Variants in EPB41L4B observed in about 807,000 individuals in gnomAD.
EPB41L4B encodes band 4.1-like protein 4B.
Under a neutral mutation model 112.5 loss-of-function variants are expected in EPB41L4B, and 30 were observed. The observed-to-expected ratio is 0.27, with a 90% CI of 0.20 to 0.36. The LOEUF (loss-of-function observed/expected upper bound fraction) is 0.36, where lower values mean the gene tolerates loss of function less well. Among genes scored for constraint, EPB41L4B ranks in the 10% least tolerant of loss-of-function variants. The pLI, the probability that EPB41L4B is intolerant of heterozygous loss-of-function variation, is 1.00. For synonymous variants in EPB41L4B, 408 were observed against 439.7 expected, an observed-to-expected ratio of 0.93 and a Z score of 0.90; for missense variants, 1,024 against 1,133.3, an observed-to-expected ratio of 0.90 and a Z score of 1.38.
intron 15 of EPB41L4B, among the ~76,000 whole-genome samples, chr9:109,222,190 A>G (rs1833599403): frequency 6.6e-6 from 1 of 152,224 alleles, no homozygotes; most frequent in Non-Finnish European, 1.5e-5. Flanking sequence ...TTCATCTTAT[A>G]GCTACTTTGG....
intron 19 of EPB41L4B, among the ~76,000 whole-genome samples, chr9:109,201,227 G>C (rs1297363962): frequency 6.6e-6 from 1 of 152,098 alleles, no homozygotes; most frequent in African/African-American, 2.4e-5. Flanking sequence ...GAGGTGGGCA[G>C]ATGACTTGAG....
Position 109,320,225 on chromosome 9 carries a change from G to A in EPB41L4B, c.222C>T (p.His74=), listed in dbSNP as rs1345242707. 12 of 1,329,446 alleles carry A rather than the reference G, an allele frequency of 9.0e-6. No individual in the cohort carries two copies. Among genetic ancestry groups the A allele is most frequent in the Non-Finnish European group, 1.2e-5 (12 of 1,036,274 alleles). The allele number at this position is 1,329,446 out of a possible 1,614,324, so 82.4% of individuals were successfully genotyped here. A position where few individuals can be genotyped will look rare whatever the true frequency, so the allele number is the denominator to read the frequency against. ...CCTTGGCGGCGCCGGCGGCGGAGAT[G>A]TGCACGGCCGCGCCGCCGGTGAGCA... ...GPLLTGGAAV[H]ISAAGAAKAT... The change falls in exon 1 of 26, where the codon CAC becomes CAT. Residue 74 remains histidine (H), a synonymous_variant. Transcript: ENST00000374566.
At chr9:109,219,634 G>A (rs979540863) in intron 15 of EPB41L4B, among the ~76,000 whole-genome samples, 2 of 152,146 alleles carry the variant, frequency 1.3e-5, no homozygotes, top group East Asian at 1.9e-4. Flanking sequence ...GATTACAGGC[G>A]TGAGCCACCG....
intron 1 of EPB41L4B, among the ~76,000 whole-genome samples, chr9:109,306,355 T>C (rs1837192066): frequency 6.6e-6 from 1 of 152,198 alleles, no homozygotes; most frequent in Non-Finnish European, 1.5e-5. Flanking sequence ...CTCACGCCTG[T>C]AACCCCAGCA....
In EPB41L4B at chr9:109,279,807, A is replaced by C. The variant is rs1362608205; in HGVS notation, c.411+10T>G. The C allele has an allele frequency of 6.2e-7, 1 of 1,611,348 alleles. No individual in the cohort carries two copies. The highest frequency in any genetic ancestry group is 8.5e-7 in the Non-Finnish European group (1 of 1,177,968). ...AATCTGTTCTGAAATGAATCAAAGC[A>C]ATAACCTACCGCAACCTGGGCAGAG... On this transcript the variant is annotated intron_variant, in intron 2 of 25. Transcript: ENST00000374566.
At chr9:109,191,577 CT>C (rs1156671479) in intron 22 of EPB41L4B, among the ~76,000 whole-genome samples, 4 of 152,228 alleles carry the variant, frequency 2.6e-5, no homozygotes, top group Admixed American at 2.0e-4. Context: ...CCAGATGCTG[CT>C]TCCTTTCTCA....
chr9:109,293,905 G>T (rs778408249), intron 1 of EPB41L4B, among the ~76,000 whole-genome samples: 14 of 152,108 alleles, frequency 9.2e-5, no homozygotes, highest in Non-Finnish European at 1.6e-4. Context: ...ATATCTACTA[G>T]ATGCAATGTG....
chr9:109,277,037 C>A lies in EPB41L4B; in HGVS notation c.411+2780G>T, dbSNP rs1408314590. 3.3e-5 allele frequency among the ~76,000 whole-genome samples: 5 copies of A among 152,220 alleles called. No homozygotes were observed. The East Asian group carries it at 9.7e-4, about 29-fold the overall frequency. ...AGCAAGGCAGCCTATCTAAAGCCTA[C>A]CAAATGAGTCAGAGGCAGAGCCAGG... On this transcript the variant is annotated intron_variant, in intron 2 of 25. Coordinates refer to ENST00000374566, the MANE Select transcript of EPB41L4B (RefSeq NM_019114.5).
chr9:109,275,145 T>A (rs989387872), intron 2 of EPB41L4B, among the ~76,000 whole-genome samples: 2 of 152,210 alleles, frequency 1.3e-5, no homozygotes, highest in Non-Finnish European at 2.9e-5. Context: ...ATCAATACGC[T>A]TTGACAGTTG....
At chr9:109,285,849 G>A (rs150314915) in intron 1 of EPB41L4B, among the ~76,000 whole-genome samples, 31 of 152,234 alleles carry the variant, frequency 2.0e-4, no homozygotes, top group African/African-American at 6.7e-4. Flanking sequence ...CAAACATTCC[G>A]TCTTTCAGGA....
intron 22 of EPB41L4B, among the ~76,000 whole-genome samples, chr9:109,187,376 T>A (rs1246106455): frequency 1.3e-5 from 2 of 151,760 alleles, no homozygotes; most frequent in African/African-American, 4.8e-5. Context: ...GATGGCCTGT[T>A]TTACTATTCA....
chr9:109,213,376 G>C (rs568295287), intron 17 of EPB41L4B, among the ~76,000 whole-genome samples: 9 of 152,330 alleles, frequency 5.9e-5, no homozygotes, highest in Admixed American at 2.0e-4. Context: ...GTCAGAGGGA[G>C]ATAGAGGGCT....
At chr9:109,262,632 C>T (rs1327666852) in intron 6 of EPB41L4B, among the ~76,000 whole-genome samples, 1 of 152,190 alleles carries the variant, frequency 6.6e-6, no homozygotes, top group Non-Finnish European at 1.5e-5. Flanking sequence ...GGCCTGCTCC[C>T]TCTTAAGAGC....
intron 18 of EPB41L4B, among the ~76,000 whole-genome samples, chr9:109,204,892 G>A (rs1020306430): frequency 5.3e-5 from 8 of 152,024 alleles, no homozygotes; most frequent in Non-Finnish European, 5.9e-5. Flanking sequence ...ATGCCAATAG[G>A]GGATTAACAT....
At chr9:109,286,680 T>C (rs1275055519) in intron 1 of EPB41L4B, among the ~76,000 whole-genome samples, 2 of 152,162 alleles carry the variant, frequency 1.3e-5, no homozygotes, top group Non-Finnish European at 1.5e-5. Flanking sequence ...CTCACGTTAC[T>C]CCCTCACTAT....
intron 17 of EPB41L4B, among the ~76,000 whole-genome samples, chr9:109,209,299 T>C (rs1296803510): frequency 6.6e-6 from 1 of 151,934 alleles, no homozygotes. Context: ...TCCAATTTTA[T>C]GTAATAGCAA....
intron 2 of EPB41L4B, among the ~76,000 whole-genome samples, chr9:109,274,522 G>C (rs954137298): frequency 2.6e-5 from 4 of 152,186 alleles, no homozygotes; most frequent in Non-Finnish European, 5.9e-5. Context: ...ACTTGTCTAT[G>C]TCTCCCAACA....
chr9:109,214,596 T>C (rs1025160251), intron 16 of EPB41L4B, among the ~76,000 whole-genome samples: 1 of 152,176 alleles, frequency 6.6e-6, no homozygotes, highest in Non-Finnish European at 1.5e-5. Context: ...TGCTAAGGGA[T>C]GTGTAGGAGT....
chr9:109,201,729 G>C (rs897991249), intron 19 of EPB41L4B, among the ~76,000 whole-genome samples: 1 of 152,056 alleles, frequency 6.6e-6, no homozygotes, highest in Non-Finnish European at 1.5e-5. Context: ...CTGGCTGAAC[G>C]CAGGGCACTA....
Sources: gnomAD v4.1 joint callset for allele counts (sites outside exome capture counted in the v4.1 genomes callset) on GRCh38, gnomAD v4.1.1 for gene constraint, MANE v1.5 for transcripts, NCBI Gene and HGNC (gene_info 2026-07-23, HGNC 2026-07-21) for gene names.